COG6: variants seen among roughly 807,000 people sequenced by gnomAD.
COG6 encodes the protein conserved oligomeric Golgi complex subunit 6.
COG6 carries 74 observed loss-of-function variants against 88.8 expected under a neutral mutation model. That is an observed-to-expected ratio of 0.83 (90% CI 0.69 to 1.01). COG6 has a LOEUF of 1.01. Among genes scored for constraint, COG6 ranks in the 50% least tolerant of loss-of-function variants. The pLI, the probability that COG6 is intolerant of heterozygous loss-of-function variation, is 0.00. For synonymous variants in COG6, 286 were observed against 278.7 expected (o/e 1.03, Z -0.26); for missense variants, 800 against 797.9 (o/e 1.00, Z -0.03).
chr13:39,719,556 C>G, intron 14 of COG6, 104 bp from the exon 15 acceptor site: 15 of 1,237,352 alleles, frequency 1.2e-5, no homozygotes, highest in Non-Finnish European at 1.8e-5. Flanking sequence ...CTACGTGCTT[C>G]TATAAATTGG....
At chr13:39,789,865 G>T (rs768288595) in exon 19 of COG6, 1 of 152,898 alleles carries the variant, frequency 6.5e-6, no homozygotes, top group Non-Finnish European at 1.5e-5. Flanking sequence ...TTGCTGAGAA[G>T]AAAAAAAGAA....
chr13:39,682,615 A>G (rs1298690868), intron 8 of COG6: 1 of 218,336 alleles, frequency 4.6e-6, no homozygotes, highest in Non-Finnish European at 9.2e-6. Flanking sequence ...CTGAAGTCAT[A>G]TCAGTACTGA....
chr13:39,751,446 T>C lies in COG6; in HGVS notation c.*353T>C. ...CTAAATTAACAGCTTATAAAAAATT[T>C]GTCTAAATTTAATAATTAGTATAAG... On this transcript the variant is annotated 3_prime_UTR_variant, in exon 19 of 19. Coordinates refer to ENST00000455146, the MANE Select transcript of COG6 (RefSeq NM_020751.3). 1 of 1,263,012 alleles carries C rather than the reference T, an allele frequency of 7.9e-7. No homozygotes were observed. The highest frequency in any genetic ancestry group is 1.0e-6 in the Non-Finnish European group (1 of 968,358). 78.2% of individuals were successfully genotyped at this position (1,263,012 alleles called of 1,614,324 possible).
At chr13:39,772,225 C>T (rs891531866) in intron 18 of COG6, among the ~76,000 whole-genome samples, 5 of 152,230 alleles carry the variant, frequency 3.3e-5, no homozygotes, top group Admixed American at 3.3e-4. Flanking sequence ...TAACCTCTTA[C>T]AGTAGTTGTC....
At chr13:39,727,407 A>G in intron 17 of COG6, 62 bp from the exon 18 acceptor site, 1 of 1,168,432 alleles carries the variant, frequency 8.6e-7, no homozygotes, top group Non-Finnish European at 1.3e-6. Context: ...AGATGTTTAT[A>G]TTTGAGTTGT....
chr13:39,663,525 G>A (rs976289448), intron 3 of COG6, among the ~76,000 whole-genome samples: 1 of 152,150 alleles, frequency 6.6e-6, no homozygotes, highest in Admixed American at 6.5e-5. Context: ...AGAAGTATGA[G>A]CATTTGAAGA....
exon 19 of COG6, chr13:39,789,698 G>C (rs1208883524): frequency 6.6e-6 from 1 of 152,114 alleles, no homozygotes; most frequent in African/African-American, 2.4e-5. Flanking sequence ...ATCGGAATTA[G>C]TTTAGCTTGT....
intron 13 of COG6, among the ~76,000 whole-genome samples, chr13:39,704,541 C>T (rs1479840134): frequency 6.6e-6 from 1 of 152,006 alleles, no homozygotes; most frequent in African/African-American, 2.4e-5. Context: ...ATTGAGTAGG[C>T]TGAGGAGGAG....
chr13:39,680,156 T>TA (rs1876224411), intron 7 of COG6, 111 bp downstream of exon 7: 3 of 653,676 alleles, frequency 4.6e-6, no homozygotes, highest in Non-Finnish European at 8.1e-6. Flanking sequence ...AAACATTTTT[T>TA]AAAAATAAAA....
chr13:39,748,443 C>T (rs1033917776), intron 18 of COG6, among the ~76,000 whole-genome samples: 2 of 151,796 alleles, frequency 1.3e-5, no homozygotes, highest in Non-Finnish European at 1.5e-5. Flanking sequence ...GATGAAACCC[C>T]GTCTCTACTA....
chr13:39,704,062 T>A (rs559869087), intron 13 of COG6, among the ~76,000 whole-genome samples: 1 of 152,246 alleles, frequency 6.6e-6, no homozygotes, highest in South Asian at 2.1e-4. Context: ...TTGCAACAAA[T>A]TTTTAATCTA....
intron 1 of COG6, among the ~76,000 whole-genome samples, chr13:39,658,192 G>T (rs1874649928): frequency 6.6e-6 from 1 of 151,344 alleles, no homozygotes; most frequent in Non-Finnish European, 1.5e-5. Context: ...GCCCAGGCTG[G>T]AGTCCAATGG....
rs529226403 is a variant in COG6, at chr13:39,741,048, T to G, written c.1827-9898T>G. Among the ~76,000 whole-genome samples the G allele has an allele frequency of 2.0e-5, 3 of 152,322 alleles. No homozygotes were observed. In the South Asian group the frequency reaches 6.2e-4, roughly 32 times the overall value. On this transcript the variant is annotated intron_variant, in intron 18 of 18. Coordinates refer to ENST00000455146, the MANE Select transcript of COG6 (RefSeq NM_020751.3). ...GCAACCAAAATCCTAAAGTACAGAT[T>G]AATGACAAGCTCACTGATTTTTGGA...
chr13:39,743,025 A>T (rs1306415567), intron 18 of COG6, among the ~76,000 whole-genome samples: 1 of 152,232 alleles, frequency 6.6e-6, no homozygotes, highest in Non-Finnish European at 1.5e-5. Flanking sequence ...AACGAAATCA[A>T]GGCAGAAATA....
chr13:39,656,155 GGTGCCTCGAGAA>G (rs1874477064), intron 1 of COG6: 1 of 612,054 alleles, frequency 1.6e-6, no homozygotes, highest in African/African-American at 1.8e-5. Flanking sequence ...GGTGAACGGT[GGTGCCTCGAGAA>G]GTGTCCTCCA....
chr13:39,781,947 C>G (rs1881642562), intron 18 of COG6, among the ~76,000 whole-genome samples: 1 of 152,224 alleles, frequency 6.6e-6, no homozygotes. Flanking sequence ...AATTTCCTCT[C>G]TTCTCGAACC....
At chr13:39,744,682 A>C (rs9603608) in intron 18 of COG6, among the ~76,000 whole-genome samples, 45,271 of 152,084 alleles carry the variant, frequency 0.3, 6,930 homozygotes, top group Non-Finnish European at 0.35. Context: ...CATACTACCC[A>C]AGATAATTTG....
At chr13:39,662,414 A>T (rs183109193) in intron 3 of COG6, among the ~76,000 whole-genome samples, 297 of 152,238 alleles carry the variant, frequency 2.0e-3, no homozygotes, top group African/African-American at 6.2e-3. Flanking sequence ...GACATGAGCC[A>T]CCATGCCCGG....
At position 39,668,645 on chromosome 13, in the gene COG6, G is replaced by A. The variant is rs375004653; in HGVS notation, c.428+3491G>A. 4.6e-5 allele frequency among the ~76,000 whole-genome samples: 7 copies of A among 152,016 alleles called. No homozygotes were observed. The South Asian group carries it at 6.2e-4, about 14-fold the overall frequency. The stretch of plus-strand genomic sequence containing the variant: ...CTATTAAAAATACAAAAAATTAGCC[G>A]GGCGTGGTGGCGGGCACCTGTAGTC... On this transcript the variant is annotated intron_variant, in intron 4 of 18. Transcript: ENST00000455146.
Sources: allele counts gnomAD v4.1 joint callset (sites outside exome capture counted in the v4.1 genomes callset), GRCh38; gene constraint gnomAD v4.1.1; transcripts MANE v1.5; gene names NCBI Gene and HGNC (gene_info 2026-07-23, HGNC 2026-07-21).